The following ADAMTS20 variants were observed in gnomAD, a reference collection of about 807,000 sequenced individuals.
ADAMTS20 encodes A disintegrin and metalloproteinase with thrombospondin motifs 20.
ADAMTS20 carries 225 observed loss-of-function variants against 260.1 expected under a neutral mutation model. The observed-to-expected ratio is 0.87, with a 90% CI of 0.78 to 0.97. The LOEUF (loss-of-function observed/expected upper bound fraction) is 0.97. Ranked by LOEUF, ADAMTS20 falls within the 50% of genes least tolerant of loss-of-function variation. The pLI is 0.00. For synonymous variants in ADAMTS20, 802 were observed against 769.5 expected, an observed-to-expected ratio of 1.04 and a Z score of -0.70; for missense variants, 2,400 against 2,337.7, an observed-to-expected ratio of 1.03 and a Z score of -0.55.
chr12:43,488,644 A>G (rs1027531233), intron 7 of ADAMTS20, among the ~76,000 whole-genome samples: 1 of 152,186 alleles, frequency 6.6e-6, no homozygotes, highest in African/African-American at 2.4e-5. Flanking sequence ...TAAAGGTAGA[A>G]GCAAAACAGC....
chr12:43,441,344 A>G (rs1372302142), intron 16 of ADAMTS20, among the ~76,000 whole-genome samples: 2 of 151,690 alleles, frequency 1.3e-5, no homozygotes, highest in Admixed American at 6.6e-5. Flanking sequence ...ATATACAAAT[A>G]GAGAAGACAA....
intron 29 of ADAMTS20, 71 bp from the exon 30 acceptor site, chr12:43,384,048 G>A: frequency 1.5e-6 from 2 of 1,349,318 alleles, no homozygotes; most frequent in East Asian, 2.5e-5. Flanking sequence ...AGCCAATGGA[G>A]CCATTACATA....
intron 29 of ADAMTS20, among the ~76,000 whole-genome samples, chr12:43,389,861 C>T (rs1023131120): frequency 2.6e-5 from 4 of 152,158 alleles, no homozygotes; most frequent in Admixed American, 6.5e-5. Context: ...GGCCCTCTTC[C>T]TTGCTCATGT....
chr12:43,391,683 G>A (rs1427561331), intron 29 of ADAMTS20, among the ~76,000 whole-genome samples: 5 of 152,054 alleles, frequency 3.3e-5, no homozygotes, highest in South Asian at 2.1e-4. Context: ...TTATAAGGGG[G>A]AAAAATCAGG....
At position 43,383,942 on chromosome 12, in the gene ADAMTS20, C is replaced by A; in HGVS notation, c.4488G>T (p.Arg1496Ser). Residue 1496 changes from arginine (R) to serine (S), a missense_variant, in exon 30 of 39, where the codon AGG becomes AGT. By Grantham distance (110) the Arg-to-Ser change is moderately radical. Coordinates refer to ENST00000389420, the MANE Select transcript of ADAMTS20 (RefSeq NM_025003.5). The stretch of plus-strand genomic sequence containing the variant: ...CACCTTTCAGTCTGCAGTATACATC[C>A]CTCTGCTGAACTCCAGAGCCACAGG... ...SVTCGSGVQQ[R>S]DVYCRLKGVG... 6.2e-7 allele frequency: 1 copy of A among 1,613,840 alleles called. No homozygotes were observed. Among genetic ancestry groups the A allele is most frequent in the Non-Finnish European group, 8.5e-7 (1 of 1,179,822 alleles).
At chr12:43,394,391 A>T (rs1843019805) in intron 29 of ADAMTS20, among the ~76,000 whole-genome samples, 1 of 152,106 alleles carries the variant, frequency 6.6e-6, no homozygotes, top group Admixed American at 6.5e-5. Context: ...TGATCAGGAT[A>T]TATTAGTGCC....
chr12:43,466,876 TAATAC>T (rs1464875590), intron 8 of ADAMTS20, 81 bp from the exon 9 acceptor site: 7 of 1,003,526 alleles, frequency 7.0e-6, no homozygotes, highest in Non-Finnish European at 5.7e-6. Flanking sequence ...AGTCACATTA[TAATAC>T]AATATAAAAT....
chr12:43,485,299 C>G (rs1392017003), intron 7 of ADAMTS20, among the ~76,000 whole-genome samples: 1 of 151,984 alleles, frequency 6.6e-6, no homozygotes, highest in Non-Finnish European at 1.5e-5. Context: ...TGATTCATCA[C>G]ATAAACAATT....
rs1001283692 is a variant in ADAMTS20 at position 43,518,257 on chromosome 12, C to T, written c.613+13779G>A. On this transcript the variant is annotated intron_variant, in intron 3 of 38. Transcript: ENST00000389420. The stretch of plus-strand genomic sequence containing the variant: ...TTATGCAAATATTCTCAAGCACATT[C>T]CAATTAGCTTGTTAAGGTCACCAAT... 9.9e-5 allele frequency among the ~76,000 whole-genome samples: 15 copies of T among 152,206 alleles called. 1 individual carries two copies. Among genetic ancestry groups the T allele is most frequent in the Middle Eastern group, 3.4e-3 (1 of 294 alleles).
At position 43,354,110 on chromosome 12, in the gene ADAMTS20, G is replaced by T; in HGVS notation, c.*99C>A. 4 of 881,186 alleles carry T rather than the reference G, an allele frequency of 4.5e-6. No individual in the cohort carries two copies. Among genetic ancestry groups the T allele is most frequent in the Non-Finnish European group, 5.1e-6 (3 of 588,896 alleles). 54.6% of individuals were successfully genotyped at this position (881,186 alleles called of 1,614,324 possible). On this transcript the variant is annotated 3_prime_UTR_variant, in exon 39 of 39. Transcript: ENST00000389420. ...AAAAAGGCAGAGACATATTGGACAT[G>T]GAAATCTCGGGAAGGGAGATATAAA...
intron 29 of ADAMTS20, among the ~76,000 whole-genome samples, chr12:43,384,702 G>A (rs1170776680): frequency 6.6e-5 from 10 of 152,082 alleles, no homozygotes; most frequent in African/African-American, 1.2e-4. Flanking sequence ...GAGAACATGC[G>A]GTGTTTGGTT....
intron 8 of ADAMTS20, 24 bp from the exon 9 acceptor site, chr12:43,466,819 A>C: frequency 6.5e-7 from 1 of 1,531,500 alleles, no homozygotes; most frequent in African/African-American, 1.4e-5. Context: ...TAAACACTTA[A>C]AAGGAATATC....
At position 43,501,481 on chromosome 12, in the gene ADAMTS20, G is replaced by GCGCGCACACACACACACACACA. The variant is rs373746834; in HGVS notation, c.867+670_867+671insTGTGTGTGTGTGTGTGTGCGCG. ...GGGATACGCGCGCGCGCGCGCGCGC[G>GCGCGCACACACACACACACACA]CACACACACACACACACACACATGT... is the stretch of plus-strand genomic sequence containing the variant. On this transcript the variant is annotated intron_variant, in intron 4 of 38. Coordinates refer to ENST00000389420, the MANE Select transcript of ADAMTS20 (RefSeq NM_025003.5). Among the ~76,000 whole-genome samples the GCGCGCACACACACACACACACA allele has an allele frequency of 1.6e-3, 184 of 117,830 alleles. 1 individual carries two copies. Among genetic ancestry groups the GCGCGCACACACACACACACACA allele is most frequent in the East Asian group, 3.7e-3 (14 of 3,754 alleles). The allele number at this position is 117,830 out of a possible 152,430, so 77.3% of individuals were successfully genotyped here. A position where few individuals can be genotyped will look rare whatever the true frequency, so the allele number is the denominator to read the frequency against.
intron 28 of ADAMTS20, among the ~76,000 whole-genome samples, chr12:43,413,934 G>A (rs1277950667): frequency 6.6e-6 from 1 of 151,960 alleles, no homozygotes; most frequent in African/African-American, 2.4e-5. Flanking sequence ...CTAACCACAT[G>A]TATATTCTTT....
chr12:43,396,373 C>G (rs1233941795), intron 29 of ADAMTS20, among the ~76,000 whole-genome samples: 1 of 152,092 alleles, frequency 6.6e-6, no homozygotes, highest in Non-Finnish European at 1.5e-5. Flanking sequence ...GGTAATGTTA[C>G]AATTTATACA....
intron 38 of ADAMTS20, 62 bp from the exon 39 acceptor site, chr12:43,354,360 G>C (rs957643802): frequency 4.9e-6 from 6 of 1,214,332 alleles, no homozygotes; most frequent in Admixed American, 2.1e-5. Context: ...TATGCAAATA[G>C]CAGAAAAAGC....
At position 43,428,686 on chromosome 12, in the gene ADAMTS20, T is replaced by C; in HGVS notation, c.3603A>G (p.Ile1201Met). 1.2e-6 allele frequency: 2 copies of C among 1,611,486 alleles called. No individual in the cohort carries two copies. Among genetic ancestry groups the C allele is most frequent in the Non-Finnish European group, 1.7e-6 (2 of 1,178,270 alleles). ...YCAHLPRPAEIWDCFTPCGEW... is the reference protein window; with the variant it reads ...YCAHLPRPAEMWDCFTPCGEW... ...CTCCACAAGGGGTAAAACAGTCCCATATTTCAGCAGGTCGGGGTAAGTGGG... is the reference window on the plus strand; with the variant it reads ...CTCCACAAGGGGTAAAACAGTCCCACATTTCAGCAGGTCGGGGTAAGTGGG... Residue 1201 changes from isoleucine (I) to methionine (M), a missense_variant, in exon 25 of 39, where the codon ATA becomes ATG. Transcript: ENST00000389420.
intron 7 of ADAMTS20, among the ~76,000 whole-genome samples, chr12:43,469,116 C>T (rs895662696): frequency 2.6e-5 from 4 of 152,118 alleles, no homozygotes; most frequent in South Asian, 2.1e-4. Context: ...CTCTACAAAT[C>T]TATGAAGTTT....
intron 2 of ADAMTS20, among the ~76,000 whole-genome samples, chr12:43,539,886 ATTT>A (rs11437185): frequency 6.8e-6 from 1 of 146,474 alleles, no homozygotes. Context: ...TTAACCATAG[ATTT>A]TTTTTTTTTT....
Sources: gnomAD v4.1 joint callset for allele counts (sites outside exome capture counted in the v4.1 genomes callset) on GRCh38, gnomAD v4.1.1 for gene constraint, MANE v1.5 for transcripts, NCBI Gene and HGNC (gene_info 2026-07-23, HGNC 2026-07-21) for gene names.